Variants in EIF2A observed in about 807,000 individuals in gnomAD.
EIF2A encodes the protein 65 kDa eukaryotic translation initiation factor 2A.
EIF2A carries 62 observed loss-of-function variants against 75.2 expected under a neutral mutation model. The observed-to-expected ratio is 0.82, with a 90% CI of 0.67 to 1.02. EIF2A has a LOEUF of 1.02. EIF2A is among the 50% of genes least tolerant of loss of function. The pLI is 0.00. For synonymous variants in EIF2A, 207 were observed against 239.0 expected, an observed-to-expected ratio of 0.87 and a Z score of 1.23; for missense variants, 611 against 677.7, an observed-to-expected ratio of 0.90 and a Z score of 1.09.
intron 10 of EIF2A, 22 bp downstream of exon 10, chr3:150,572,551 T>A (rs1724598295): frequency 6.3e-7 from 1 of 1,576,408 alleles, no homozygotes; most frequent in Non-Finnish European, 8.6e-7. Context: ...TTTACTACTT[T>A]TATAGAAAAA....
chr3:150,569,299 A>G (rs114597013), intron 9 of EIF2A, among the ~76,000 whole-genome samples: 2,207 of 152,320 alleles, frequency 0.014, 53 homozygotes, highest in African/African-American at 0.051. Flanking sequence ...TATAGGGCCA[A>G]TGAGAAGAAA....
intron 11 of EIF2A, among the ~76,000 whole-genome samples, chr3:150,580,494 G>T (rs540033208): frequency 4.6e-5 from 7 of 152,276 alleles, no homozygotes; most frequent in African/African-American, 1.7e-4. Context: ...ATGCTTGTGT[G>T]GTAAGTTGAA....
intron 11 of EIF2A, among the ~76,000 whole-genome samples, chr3:150,580,672 G>A (rs567180524): frequency 6.6e-6 from 1 of 152,228 alleles, no homozygotes; most frequent in African/African-American, 2.4e-5. Context: ...TTCACTTAAA[G>A]GGAGCACTTT....
Position 150,564,301 on chromosome 3 carries a change from G to A in EIF2A, c.395G>A (p.Cys132Tyr). The change falls in exon 6 of 14, where the codon TGT becomes TAT. Residue 132 changes from cysteine (C) to tyrosine (Y), a missense_variant and splice_region_variant. Coordinates refer to ENST00000460851, the MANE Select transcript of EIF2A (RefSeq NM_032025.5). ...TTTTTTTTTTTTCATTGACATAGGT[G>A]TCCATCCTGGTCAGAAGATGAAACT... ...SFIQKKMQNW[C>Y]PSWSEDETLC... 1 of 1,563,932 alleles carries A rather than the reference G, an allele frequency of 6.4e-7. No individual in the cohort carries two copies. The highest frequency in any genetic ancestry group is 1.2e-5 in the South Asian group (1 of 81,940).
chr3:150,583,106 A>T, intron 12 of EIF2A, 94 bp from the exon 13 acceptor site: 1 of 1,013,476 alleles, frequency 9.9e-7, no homozygotes, highest in Non-Finnish European at 1.4e-6. Context: ...TAAGATAATT[A>T]ATCTCCTTAC....
intron 2 of EIF2A, among the ~76,000 whole-genome samples, chr3:150,556,228 A>G: frequency 6.6e-6 from 1 of 152,178 alleles, no homozygotes; most frequent in East Asian, 1.9e-4. Context: ...GTACAATCTC[A>G]GTATCACTAA....
chr3:150,560,280 G>A (rs978948405), intron 3 of EIF2A, among the ~76,000 whole-genome samples: 8 of 152,132 alleles, frequency 5.3e-5, no homozygotes, highest in African/African-American at 1.9e-4. Flanking sequence ...GACCACAATG[G>A]TACTTATTGT....
chr3:150,580,491 TG>T (rs1188492288), intron 11 of EIF2A, among the ~76,000 whole-genome samples: 2 of 152,214 alleles, frequency 1.3e-5, no homozygotes, highest in African/African-American at 4.8e-5. Context: ...ACAATGCTTG[TG>T]TGGTAAGTTG....
Position 150,572,882 on chromosome 3 carries a change from T to TAAACAAAA in EIF2A, c.1383+353_1383+354insAAACAAAA, listed in dbSNP as rs1168079504. On this transcript the variant is annotated intron_variant, in intron 10 of 13. Coordinates refer to ENST00000460851, the MANE Select transcript of EIF2A (RefSeq NM_032025.5). ...AAAAAAAAAAAAAAAACAACCTTTC[T>TAAACAAAA]CTTGGACTAAACAAAACGTATGACT... Among the ~76,000 whole-genome samples, 9 of 151,650 alleles carry TAAACAAAA rather than the reference T, an allele frequency of 5.9e-5. No individual in the cohort carries two copies. The South Asian group carries it at 1.5e-3, about 25-fold the overall frequency.
At position 150,581,722 on chromosome 3, in the gene EIF2A, C is replaced by T. The variant is rs1559887429; in HGVS notation, c.1602C>T (p.Asp534=). The change falls in exon 12 of 14, where the codon GAC becomes GAT. Residue 534 remains aspartate (D), a synonymous_variant. Coordinates refer to ENST00000460851, the MANE Select transcript of EIF2A (RefSeq NM_032025.5). ...SQSISGDPEI[D]KKIKNLKKKL... is the part of the protein sequence containing the mutation. ...CAATTTCTGGGGACCCTGAGATAGA[C>T]AAAAAAATCAAGAACCTAAAGAAGG... 6.4e-7 allele frequency: 1 copy of T among 1,557,052 alleles called. No individual in the cohort carries two copies. Among genetic ancestry groups the T allele is most frequent in the South Asian group, 1.2e-5 (1 of 84,344 alleles).
At chr3:150,562,880 C>T in intron 4 of EIF2A, 1 of 310,412 alleles carries the variant, frequency 3.2e-6, no homozygotes, top group Non-Finnish European at 6.0e-6. Flanking sequence ...TGTAAAGAGC[C>T]ATTATGAGCT....
chr3:150,562,014 C>T (rs1014781524), intron 3 of EIF2A, among the ~76,000 whole-genome samples: 1 of 152,066 alleles, frequency 6.6e-6, no homozygotes. Flanking sequence ...CCACCTCGAC[C>T]TCCCAAAGTG....
chr3:150,581,538 C>T, intron 11 of EIF2A, 80 bp from the exon 12 acceptor site: 1 of 1,468,846 alleles, frequency 6.8e-7, no homozygotes, highest in Non-Finnish European at 9.1e-7. Flanking sequence ...TTCTGTATTT[C>T]ATATGCCAAA....
intron 12 of EIF2A, 30 bp from the exon 13 acceptor site, chr3:150,583,170 A>C: frequency 6.3e-7 from 1 of 1,589,174 alleles, no homozygotes. Flanking sequence ...CTTTTCTTCC[A>C]TGCTCTTGAC....
intron 11 of EIF2A, among the ~76,000 whole-genome samples, chr3:150,578,305 CATTA>C (rs756930092): frequency 3.2e-4 from 48 of 147,774 alleles, no homozygotes; most frequent in Non-Finnish European, 4.8e-4. Flanking sequence ...TAATTATAAC[CATTA>C]ATTAATATAC....
At chr3:150,583,736 G>A in intron 13 of EIF2A, 110 bp from the exon 14 acceptor site, 2 of 964,516 alleles carry the variant, frequency 2.1e-6, no homozygotes, top group Non-Finnish European at 3.1e-6. Context: ...TAAAATCTGT[G>A]TTTACTAGTG....
intron 12 of EIF2A, among the ~76,000 whole-genome samples, chr3:150,581,977 G>A (rs576924654): frequency 2.0e-5 from 3 of 152,150 alleles, no homozygotes; most frequent in African/African-American, 7.2e-5. Flanking sequence ...ATAAAATTCA[G>A]TGTGCATCAG....
Position 150,552,358 on chromosome 3 carries a change from C to G in EIF2A, c.31C>G (p.Arg11Gly). ...TTCTTTTTATTTTACTTCTTTAGTC[C>G]GAGGATCAGAAGGACTGTACATGGT... MAPSTPLLTV[R>G]GSEGLYMVNG... Residue 11 changes from arginine to glycine, a missense_variant and splice_region_variant, in exon 2 of 14, where the codon CGA (arginine) becomes GGA (glycine). Coordinates refer to ENST00000460851, the MANE Select transcript of EIF2A (RefSeq NM_032025.5). 6.5e-7 allele frequency: 1 copy of G among 1,549,956 alleles called. No homozygotes were observed.
intron 2 of EIF2A, among the ~76,000 whole-genome samples, chr3:150,556,364 A>G (rs945466354): frequency 1.3e-5 from 2 of 152,216 alleles, no homozygotes; most frequent in African/African-American, 2.4e-5. Context: ...CTTTTACATG[A>G]GTAGTTCTCA....
Sources: gnomAD v4.1 joint callset for allele counts (sites outside exome capture counted in the v4.1 genomes callset) on GRCh38, gnomAD v4.1.1 for gene constraint, MANE v1.5 for transcripts, NCBI Gene and HGNC (gene_info 2026-07-23, HGNC 2026-07-21) for gene names.